DOP1B: variants seen among roughly 807,000 people sequenced by gnomAD.
DOP1B encodes protein DOP1B.
DOP1B carries 174 observed loss-of-function variants against 233.5 expected under a neutral mutation model. The observed-to-expected ratio is 0.75, with a 90% CI of 0.66 to 0.85. DOP1B has a LOEUF of 0.85. DOP1B is among the 40% of genes least tolerant of loss of function. DOP1B has a pLI of 0.00. For synonymous variants in DOP1B, 1,190 were observed against 1,185.6 expected (o/e 1.00, Z -0.08); for missense variants, 2,652 against 2,846.6 (o/e 0.93, Z 1.56).
At chr21:36,239,999 G>T (rs370007317) in intron 18 of DOP1B, 44 bp downstream of exon 18, 4 of 1,560,686 alleles carry the variant, frequency 2.6e-6, no homozygotes, top group African/African-American at 1.3e-5. Context: ...AGGAATGGGT[G>T]GGGGGACTGG....
chr21:36,293,520 A>G lies in DOP1B; in HGVS notation c.6846A>G (p.Lys2282=). 1.9e-6 allele frequency: 3 copies of G among 1,614,172 alleles called. No homozygotes were observed. The highest frequency in any genetic ancestry group is 2.5e-6 in the Non-Finnish European group (3 of 1,179,992). Residue 2282 remains lysine, a synonymous_variant, in exon 37 of 37, where the codon AAA becomes AAG. Coordinates refer to ENST00000691173, the MANE Select transcript of DOP1B (RefSeq NM_001320714.2). ...FPVTDSPRIL[K]QLEECIEYDF... The stretch of plus-strand genomic sequence containing the variant: ...TCACAGATAGCCCAAGGATCTTAAA[A>G]CAACTGGAAGAATGCATCGAATATG...
At chr21:36,203,808 C>T (rs938422875) in intron 4 of DOP1B, among the ~76,000 whole-genome samples, 1 of 151,466 alleles carries the variant, frequency 6.6e-6, no homozygotes, top group African/African-American at 2.4e-5. Context: ...CCTGTTAGAA[C>T]TTATTATCCA....
Position 36,233,095 on chromosome 21 carries a change from C to G in DOP1B, c.2622+20C>G. ...TATCAGGTATTTCCCACTGGGAACA[C>G]TCTTCTTATGGCCTCCTTCTCCCCC... On this transcript the variant is annotated intron_variant, in intron 15 of 36. Coordinates refer to ENST00000691173, the MANE Select transcript of DOP1B (RefSeq NM_001320714.2). 1 of 1,611,390 alleles carries G rather than the reference C, an allele frequency of 6.2e-7. No homozygotes were observed. Among genetic ancestry groups the G allele is most frequent in the Non-Finnish European group, 8.5e-7 (1 of 1,178,610 alleles).
chr21:36,214,645 G>A (rs1466391376), intron 9 of DOP1B, 89 bp downstream of exon 9: 24 of 1,109,612 alleles, frequency 2.2e-5, no homozygotes, highest in Non-Finnish European at 3.1e-5. Context: ...CAACCAAAGC[G>A]TTATTTTGAA....
At chr21:36,244,479 C>T (rs889517429) in intron 18 of DOP1B, among the ~76,000 whole-genome samples, 1 of 151,956 alleles carries the variant, frequency 6.6e-6, no homozygotes, top group African/African-American at 2.4e-5. Flanking sequence ...GGCTGGAGTT[C>T]AGTGGCACAA....
rs1443049905 is a variant in DOP1B, at chr21:36,246,445, C to G, written c.4465C>G (p.Gln1489Glu). 3 of 1,613,752 alleles carry G rather than the reference C, an allele frequency of 1.9e-6. No homozygotes were observed. The highest frequency in any genetic ancestry group is 2.5e-6 in the Non-Finnish European group (3 of 1,179,904). ...GGCCATCAGCGCCCTGCAGTACGTG[C>G]AGCCCCACCCCCTCACCTCCCAGGG... ...QQAISALQYVQPHPLTSQGLL... is the reference protein window; with the variant it reads ...QQAISALQYVEPHPLTSQGLL... The change falls in exon 19 of 37, where the codon CAG becomes GAG. Residue 1489 changes from glutamine to glutamate, a missense_variant. Around this residue, in one of 3 missense-constraint regions of DOP1B, gnomAD observed 2,617 missense variants for 2,794.3 expected, o/e 0.94. Transcript: ENST00000691173. This position sits in a 1 kb window ranked among gnomAD's most constrained non-coding sequence, Gnocchi z 5.1.
intron 22 of DOP1B, among the ~76,000 whole-genome samples, chr21:36,251,714 C>T (rs2067034543): frequency 6.6e-6 from 1 of 152,212 alleles, no homozygotes; most frequent in African/African-American, 2.4e-5. Context: ...AGCCACCACA[C>T]CTTGCCGATT....
At chr21:36,176,397 C>T (rs1191250054) in intron 2 of DOP1B, among the ~76,000 whole-genome samples, 2 of 152,114 alleles carry the variant, frequency 1.3e-5, no homozygotes, top group Non-Finnish European at 2.9e-5. Flanking sequence ...CTGCCAGCCT[C>T]CTTGTGTATG....
At chr21:36,239,980 G>A (rs1299216501) in intron 18 of DOP1B, 25 bp downstream of exon 18, 5 of 1,588,186 alleles carry the variant, frequency 3.1e-6, no homozygotes, top group Non-Finnish European at 4.3e-6. Context: ...CAGGACCCGA[G>A]GGTGAGGGAG....
At chr21:36,208,949 T>A in intron 5 of DOP1B, 45 bp downstream of exon 5, 14 of 1,459,202 alleles carry the variant, frequency 9.6e-6, no homozygotes, top group Non-Finnish European at 1.2e-5. Context: ...AGGCGACATG[T>A]GGGCACAGCA....
rs570750945 is a variant in DOP1B at position 36,237,133 on chromosome 21, G to A, written c.2623-129G>A. Reference sequence around the variant, plus strand: ...TTGTTGGTGATTTGTCTCTGAGCATGGAGGATTCTCACATGGCAAGTATAG... The same window carrying A: ...TTGTTGGTGATTTGTCTCTGAGCATAGAGGATTCTCACATGGCAAGTATAG... On this transcript the variant is annotated intron_variant, in intron 15 of 36. Transcript: ENST00000691173. The A allele has an allele frequency of 2.7e-5, 34 of 1,279,558 alleles. No homozygotes were observed. In the East Asian group the frequency reaches 7.3e-4, roughly 27 times the overall value. The allele number at this position is 1,279,558 out of a possible 1,614,324, so 79.3% of individuals were successfully genotyped here.
intron 4 of DOP1B, 81 bp from the exon 5 acceptor site, chr21:36,208,634 A>T: frequency 6.9e-7 from 1 of 1,442,868 alleles, no homozygotes; most frequent in East Asian, 2.6e-5. Context: ...GTGGTTCTTC[A>T]TGCAGCATTC....
chr21:36,246,071 A>G lies in DOP1B; in HGVS notation c.4091A>G (p.Lys1364Arg), dbSNP rs1303991502. Reference sequence around the variant, plus strand: ...ATGATGCAGCTGGTCTCAGTGGCCAAGTCTTCGGAAGGGAAGAACGTGGAG... The same window carrying G: ...ATGATGCAGCTGGTCTCAGTGGCCAGGTCTTCGGAAGGGAAGAACGTGGAG... ...RIMMQLVSVAKSSEGKNVEFI... is the reference protein window; with the variant it reads ...RIMMQLVSVARSSEGKNVEFI... The change falls in exon 19 of 37, where the codon AAG becomes AGG. Residue 1364 changes from lysine to arginine, a missense_variant. By Grantham distance (26) the Lys-to-Arg change is conservative. Coordinates refer to ENST00000691173, the MANE Select transcript of DOP1B (RefSeq NM_001320714.2). The surrounding 1 kb of genome is among the most constrained non-coding windows in gnomAD (Gnocchi z 5.1). The G allele has an allele frequency of 1.2e-6, 2 of 1,614,080 alleles. No homozygotes were observed. Among genetic ancestry groups the G allele is most frequent in the Non-Finnish European group, 1.7e-6 (2 of 1,180,024 alleles).
chr21:36,281,972 GCCCC>G (rs971071660), intron 32 of DOP1B, among the ~76,000 whole-genome samples: 15 of 152,106 alleles, frequency 9.9e-5, no homozygotes, highest in African/African-American at 3.4e-4. Context: ...TGCCCTCACT[GCCCC>G]CACACACAGA....
chr21:36,237,451 C>A, intron 16 of DOP1B, 37 bp downstream of exon 16: 1 of 1,611,108 alleles, frequency 6.2e-7, no homozygotes, highest in Non-Finnish European at 8.5e-7. Context: ...TCCTGCAGCA[C>A]CCCGGCCCCT....
At chr21:36,158,936 T>G (rs112094463) in intron 1 of DOP1B, among the ~76,000 whole-genome samples, 5,006 of 151,484 alleles carry the variant, frequency 0.033, 186 homozygotes, top group African/African-American at 0.094. Context: ...GAGACCAGCC[T>G]GGCCAACATG....
intron 11 of DOP1B, among the ~76,000 whole-genome samples, chr21:36,224,153 G>A (rs1031122858): frequency 5.9e-5 from 9 of 152,018 alleles, no homozygotes; most frequent in African/African-American, 2.2e-4. Context: ...TGGTTGTTAT[G>A]TTATTTTTTA....
intron 23 of DOP1B, among the ~76,000 whole-genome samples, chr21:36,254,777 G>A (rs1054917672): frequency 6.6e-6 from 1 of 151,890 alleles, no homozygotes; most frequent in South Asian, 2.1e-4. Flanking sequence ...GAGCTTTCTC[G>A]GACAAGTGTT....
intron 11 of DOP1B, 38 bp downstream of exon 11, chr21:36,223,388 G>T: frequency 6.3e-7 from 1 of 1,586,782 alleles, no homozygotes; most frequent in Non-Finnish European, 8.5e-7. Flanking sequence ...TATTTAGGAA[G>T]GATGAGAGGG....
Sources: allele counts gnomAD v4.1 joint callset (sites outside exome capture counted in the v4.1 genomes callset), GRCh38; gene constraint gnomAD v4.1.1; regional missense constraint gnomAD v4.1.1; non-coding constraint Gnocchi (gnomAD v3.1); transcripts MANE v1.5; gene names NCBI Gene and HGNC (gene_info 2026-07-23, HGNC 2026-07-21).